The following PAIP2B variants were observed in gnomAD, a reference collection of about 807,000 sequenced individuals.
PAIP2B encodes polyadenylate-binding protein-interacting protein 2B.
PAIP2B carries 13 observed loss-of-function variants against 17.0 expected under a neutral mutation model. The observed-to-expected ratio is 0.76, with a 90% CI of 0.50 to 1.22. PAIP2B has a LOEUF of 1.22. Ranked by LOEUF, PAIP2B falls within the 50% of genes most tolerant of loss-of-function variation. The pLI, the probability that PAIP2B is intolerant of heterozygous loss-of-function variation, is 0.00. For synonymous variants in PAIP2B, 43 were observed against 48.7 expected, an observed-to-expected ratio of 0.88 and a Z score of 0.48; for missense variants, 117 against 144.5, an observed-to-expected ratio of 0.81 and a Z score of 0.98.
intron 1 of PAIP2B, among the ~76,000 whole-genome samples, chr2:71,219,282 C>T (rs1675518355): frequency 6.6e-6 from 1 of 151,772 alleles, no homozygotes; most frequent in Admixed American, 6.6e-5. Context: ...ATGTGATTTC[C>T]TTTATAATCA....
In PAIP2B at chr2:71,219,969, C is replaced by A. The variant is rs762926198; in HGVS notation, c.-12+6959G>T. On this transcript the variant is annotated intron_variant, in intron 1 of 3. Transcript: ENST00000244221. ...CTTGTTCCTTTTTTAAAAACACACACAATATCTAGTTCTTCCACATGAGTA... is the reference window on the plus strand; with the variant it reads ...CTTGTTCCTTTTTTAAAAACACACAAAATATCTAGTTCTTCCACATGAGTA... Among the ~76,000 whole-genome samples, 10 of 152,366 alleles carry A rather than the reference C, an allele frequency of 6.6e-5. No individual in the cohort carries two copies. The Middle Eastern group carries it at 0.01, about 155-fold the overall frequency.
chr2:71,195,146 A>G (rs978778599), intron 2 of PAIP2B, among the ~76,000 whole-genome samples: 1 of 152,070 alleles, frequency 6.6e-6, no homozygotes, highest in African/African-American at 2.4e-5. Context: ...TTTGTTGAGG[A>G]TTCAATGTTC....
chr2:71,218,777 AG>A (rs1242982763), intron 1 of PAIP2B, among the ~76,000 whole-genome samples: 2 of 152,214 alleles, frequency 1.3e-5, no homozygotes, highest in Non-Finnish European at 2.9e-5. Flanking sequence ...TTACTGCCAC[AG>A]AAACATGCCC....
Position 71,186,046 on chromosome 2 carries a change from A to G in PAIP2B, c.*2433T>C, listed in dbSNP as rs1674526980. On this transcript the variant is annotated 3_prime_UTR_variant, in exon 4 of 4. Transcript: ENST00000244221. ...GTAGTGGCTTAAATTCAACATCAAAATTACCCCTTATAAATACAAGTCTTA... is the reference window on the plus strand; with the variant it reads ...GTAGTGGCTTAAATTCAACATCAAAGTTACCCCTTATAAATACAAGTCTTA... The G allele has an allele frequency of 6.6e-6, 1 of 152,212 alleles. No individual in the cohort carries two copies. The highest frequency in any genetic ancestry group is 1.5e-5 in the Non-Finnish European group (1 of 68,040). The allele number at this position is 152,212 out of a possible 1,614,324, so 9.4% of individuals were successfully genotyped here.
intron 1 of PAIP2B, among the ~76,000 whole-genome samples, chr2:71,224,263 T>C (rs1315894284): frequency 6.6e-6 from 1 of 152,200 alleles, no homozygotes; most frequent in African/African-American, 2.4e-5. Context: ...CTTTATTTTT[T>C]GTAAGTAAGG....
intron 2 of PAIP2B, among the ~76,000 whole-genome samples, chr2:71,199,629 C>T (rs938845520): frequency 5.3e-5 from 8 of 151,388 alleles, no homozygotes; most frequent in South Asian, 2.1e-4. Flanking sequence ...TGCAGTGGCG[C>T]GATCTCAGCT....
chr2:71,184,570 C>CA lies in PAIP2B; in HGVS notation c.*3908dup, dbSNP rs1234897343. The CA allele has an allele frequency of 1.3e-5, 2 of 152,160 alleles. No homozygotes were observed. Among genetic ancestry groups the CA allele is most frequent in the African/African-American group, 4.8e-5 (2 of 41,408 alleles). 9.4% of individuals were successfully genotyped at this position (152,160 alleles called of 1,614,324 possible). A position where few individuals can be genotyped will look rare whatever the true frequency, so the allele number is the denominator to read the frequency against. On this transcript the variant is annotated 3_prime_UTR_variant, in exon 4 of 4. Transcript: ENST00000244221. Reference sequence around the variant, plus strand: ...GAAAAAAACCCAAAAAAACTGTTTCCAAATTGTAACTAACCAAGTCTGTGT... The same window carrying CA: ...GAAAAAAACCCAAAAAAACTGTTTCCAAAATTGTAACTAACCAAGTCTGTGT...
chr2:71,199,804 C>A (rs1399076516), intron 2 of PAIP2B, among the ~76,000 whole-genome samples: 2 of 152,148 alleles, frequency 1.3e-5, no homozygotes, highest in Admixed American at 6.5e-5. Context: ...AGTGAGAGGA[C>A]CACTTGTGCC....
In PAIP2B at chr2:71,198,285, A is replaced by T. The variant is rs1281829934; in HGVS notation, c.138+4167T>A. Among the ~76,000 whole-genome samples the T allele has an allele frequency of 1.6e-3, 212 of 130,450 alleles. 1 individual carries two copies. The highest frequency in any genetic ancestry group is 2.7e-3 in the Non-Finnish European group (167 of 60,808). The allele number at this position is 130,450 out of a possible 152,430, so 85.6% of individuals were successfully genotyped here. On this transcript the variant is annotated intron_variant, in intron 2 of 3. Coordinates refer to ENST00000244221, the MANE Select transcript of PAIP2B (RefSeq NM_020459.1). ...AGGTGCCTGCCACCAGGCCCAGCTA[A>T]TTTTTTTTTTTTTTTTTTGAGACAG... is the stretch of plus-strand genomic sequence containing the variant.
chr2:71,183,311 A>C lies in PAIP2B; in HGVS notation c.*5168T>G, dbSNP rs3853142. 10 of 24,282 alleles carry C rather than the reference A, an allele frequency of 4.1e-4. No individual in the cohort carries two copies. The highest frequency in any genetic ancestry group is 1.8e-3 in the African/African-American group (10 of 5,466). The allele number at this position is 24,282 out of a possible 1,614,324, so 1.5% of individuals were successfully genotyped here. A position where few individuals can be genotyped will look rare whatever the true frequency, so the allele number is the denominator to read the frequency against. Reference sequence around the variant, plus strand: ...TTCTTGTCCACTCAGACACATGCTCATACTTATTAAATGGATTTATTGGAT... The same window carrying C: ...TTCTTGTCCACTCAGACACATGCTCCTACTTATTAAATGGATTTATTGGAT... On this transcript the variant is annotated 3_prime_UTR_variant, in exon 4 of 4. Coordinates refer to ENST00000244221, the MANE Select transcript of PAIP2B (RefSeq NM_020459.1).
rs1399431415 is a variant in PAIP2B, at chr2:71,183,748, A to G, written c.*4731T>C. The stretch of plus-strand genomic sequence containing the variant: ...AAGGGCAAATTTATAGAGAAAGTAG[A>G]TTAGTGGTTGCCGGGGGTAAGAACA... On this transcript the variant is annotated 3_prime_UTR_variant, in exon 4 of 4. Coordinates refer to ENST00000244221, the MANE Select transcript of PAIP2B (RefSeq NM_020459.1). 1 of 152,210 alleles carries G rather than the reference A, an allele frequency of 6.6e-6. No homozygotes were observed. Among genetic ancestry groups the G allele is most frequent in the Non-Finnish European group, 1.5e-5 (1 of 68,044 alleles). 9.4% of individuals were successfully genotyped at this position (152,210 alleles called of 1,614,324 possible). A position where few individuals can be genotyped will look rare whatever the true frequency, so the allele number is the denominator to read the frequency against.
At chr2:71,193,717 G>A (rs905459997) in intron 2 of PAIP2B, among the ~76,000 whole-genome samples, 2 of 152,094 alleles carry the variant, frequency 1.3e-5, no homozygotes, top group African/African-American at 4.8e-5. Flanking sequence ...AGCCGGGTGT[G>A]GTGGCAGGCA....
chr2:71,219,718 C>G (rs572137940), intron 1 of PAIP2B, among the ~76,000 whole-genome samples: 1 of 149,426 alleles, frequency 6.7e-6, no homozygotes, highest in African/African-American at 2.5e-5. Context: ...GGGTAATGTG[C>G]GCAAATACAT....
chr2:71,207,208 G>T (rs778430062), intron 1 of PAIP2B, among the ~76,000 whole-genome samples: 1 of 152,200 alleles, frequency 6.6e-6, no homozygotes, highest in Non-Finnish European at 1.5e-5. Context: ...GTCCAGGAGA[G>T]AGGGGGATGG....
At chr2:71,224,195 ACT>A (rs1262316692) in intron 1 of PAIP2B, among the ~76,000 whole-genome samples, 1 of 152,152 alleles carries the variant, frequency 6.6e-6, no homozygotes, top group African/African-American at 2.4e-5. Context: ...CTGAATCTTA[ACT>A]CTGGCACCTG....
rs890616994 is a variant in PAIP2B at position 71,203,487 on chromosome 2, C to T, written c.-11-887G>A. Reference sequence around the variant, plus strand: ...TTCCCACCAGTGGTGTGGAAGTGCCCGTTTCCCAACATTCATGAGTACTAT... The same window carrying T: ...TTCCCACCAGTGGTGTGGAAGTGCCTGTTTCCCAACATTCATGAGTACTAT... On this transcript the variant is annotated intron_variant, in intron 1 of 3. Transcript: ENST00000244221. Among the ~76,000 whole-genome samples, 5 of 152,020 alleles carry T rather than the reference C, an allele frequency of 3.3e-5. No individual in the cohort carries two copies. In the South Asian group the frequency reaches 6.2e-4, roughly 19 times the overall value.
intron 1 of PAIP2B, among the ~76,000 whole-genome samples, chr2:71,206,599 T>C: frequency 6.6e-6 from 1 of 152,190 alleles, no homozygotes. Flanking sequence ...GGACTTTTAA[T>C]GTATCTAGGA....
chr2:71,193,515 T>C (rs1674739115), intron 2 of PAIP2B, among the ~76,000 whole-genome samples: 1 of 152,222 alleles, frequency 6.6e-6, no homozygotes, highest in South Asian at 2.1e-4. Context: ...TGACCATTCC[T>C]ATGTCCAGGA....
At chr2:71,224,904 C>A (rs191895674) in intron 1 of PAIP2B, among the ~76,000 whole-genome samples, 1 of 152,358 alleles carries the variant, frequency 6.6e-6, no homozygotes, top group East Asian at 1.9e-4. Flanking sequence ...CAGCTGCAGT[C>A]ACAGCAATTC....
Sources: allele counts gnomAD v4.1 joint callset (sites outside exome capture counted in the v4.1 genomes callset), GRCh38; gene constraint gnomAD v4.1.1; transcripts MANE v1.5; gene names NCBI Gene and HGNC (gene_info 2026-07-23, HGNC 2026-07-21).